The following SGCZ variants were observed in gnomAD, a reference collection of about 807,000 sequenced individuals.
The protein encoded by SGCZ is sarcoglycan zeta, also known as zeta-sarcoglycan.
In SGCZ, 40 loss-of-function variants were observed where a neutral mutation model predicts 41.3. That is an observed-to-expected ratio of 0.97 (90% CI 0.75 to 1.26). The LOEUF is 1.26. Among genes scored for constraint, SGCZ ranks in the 50% most tolerant of loss-of-function variants. The pLI is 0.00. For synonymous variants in SGCZ, 206 were observed against 137.5 expected (o/e 1.50, Z -3.49); for missense variants, 552 against 369.8 (o/e 1.49, Z -4.04).
chr8:14,179,332 G>A (rs1302064438), intron 4 of SGCZ, among the ~76,000 whole-genome samples: 3 of 152,144 alleles, frequency 2.0e-5, no homozygotes, highest in Admixed American at 1.3e-4. Context: ...CCTTAGGCTG[G>A]AAAGCATCCA....
At chr8:14,143,206 C>T (rs896790132) in intron 5 of SGCZ, among the ~76,000 whole-genome samples, 6 of 152,100 alleles carry the variant, frequency 3.9e-5, no homozygotes, top group Admixed American at 1.3e-4. Context: ...CTATAGCAAA[C>T]ATTGTACGTA....
At chr8:15,168,408 T>A (rs1488856650) in intron 1 of SGCZ, among the ~76,000 whole-genome samples, 7 of 152,138 alleles carry the variant, frequency 4.6e-5, no homozygotes, top group African/African-American at 1.7e-4. Flanking sequence ...GAAAGAGATA[T>A]AGGTGAGAGC....
At chr8:14,608,911 C>T (rs973685714) in intron 1 of SGCZ, among the ~76,000 whole-genome samples, 2 of 151,988 alleles carry the variant, frequency 1.3e-5, no homozygotes, top group Admixed American at 1.3e-4. Context: ...TAATAATAGG[C>T]TTCTTAGGAC....
At chr8:14,665,216 T>C (rs1445586896) in intron 1 of SGCZ, among the ~76,000 whole-genome samples, 1 of 151,898 alleles carries the variant, frequency 6.6e-6, no homozygotes, top group Non-Finnish European at 1.5e-5. Flanking sequence ...CCTGTGTCCA[T>C]GTGTTCTCAT....
intron 1 of SGCZ, among the ~76,000 whole-genome samples, chr8:14,676,591 G>A (rs895887235): frequency 1.3e-5 from 2 of 152,130 alleles, no homozygotes; most frequent in African/African-American, 4.8e-5. Flanking sequence ...ATTATTTAAA[G>A]AAATTCCCCA....
intron 3 of SGCZ, among the ~76,000 whole-genome samples, chr8:14,239,271 AC>A (rs1806885404): frequency 6.6e-6 from 1 of 151,780 alleles, no homozygotes; most frequent in Non-Finnish European, 1.5e-5. Flanking sequence ...ACACACACAC[AC>A]ACACACACAC....
At chr8:15,220,016 A>G (rs2117181630) in intron 1 of SGCZ, among the ~76,000 whole-genome samples, 1 of 152,344 alleles carries the variant, frequency 6.6e-6, no homozygotes, top group East Asian at 1.9e-4. Context: ...AATTGTTCTA[A>G]CAATGCCTTT....
In SGCZ at chr8:14,744,450, T is replaced by G. The variant is rs533695532; in HGVS notation, c.40-189524A>C. Among the ~76,000 whole-genome samples, 3 of 152,216 alleles carry G rather than the reference T, an allele frequency of 2.0e-5. 1 individual carries two copies. In the South Asian group the frequency reaches 6.2e-4, roughly 32 times the overall value. Reference sequence around the variant, plus strand: ...CTTGGTCTGCCTTGGTGGATGTCATTTGGAGAAATGCATCCATATCAAAAT... The same window carrying G: ...CTTGGTCTGCCTTGGTGGATGTCATGTGGAGAAATGCATCCATATCAAAAT... On this transcript the variant is annotated intron_variant, in intron 1 of 7. Transcript: ENST00000382080.
intron 2 of SGCZ, among the ~76,000 whole-genome samples, chr8:14,496,361 G>A (rs536987912): frequency 6.6e-6 from 1 of 152,074 alleles, no homozygotes; most frequent in African/African-American, 2.4e-5. Context: ...GAGTAAACAT[G>A]CCTGGCCTCC....
At chr8:14,479,737 T>C (rs1801473902) in intron 2 of SGCZ, among the ~76,000 whole-genome samples, 4 of 17,336 alleles carry the variant, frequency 2.3e-4, no homozygotes, top group East Asian at 1.6e-3. Context: ...ACTTCTTTTT[T>C]TTTTTTTTTT....
chr8:14,503,020 C>T (rs1002038150), intron 2 of SGCZ, among the ~76,000 whole-genome samples: 1 of 152,052 alleles, frequency 6.6e-6, no homozygotes, highest in Non-Finnish European at 1.5e-5. Flanking sequence ...GCACTATTCA[C>T]AATAGCAAAG....
At chr8:14,892,080 A>T (rs1367641466) in intron 1 of SGCZ, among the ~76,000 whole-genome samples, 2 of 152,216 alleles carry the variant, frequency 1.3e-5, no homozygotes, top group Non-Finnish European at 2.9e-5. Context: ...TATCTAAGAT[A>T]TGCTTATATT....
intron 2 of SGCZ, among the ~76,000 whole-genome samples, chr8:14,358,402 T>A (rs929429951): frequency 1.2e-4 from 18 of 152,192 alleles, no homozygotes; most frequent in African/African-American, 4.3e-4. Context: ...TTTTTCATTA[T>A]GTTGTCATCA....
chr8:15,044,407 G>C (rs1029735720), intron 1 of SGCZ, among the ~76,000 whole-genome samples: 4 of 152,088 alleles, frequency 2.6e-5, no homozygotes, highest in African/African-American at 4.8e-5. Context: ...CAGGCATCCT[G>C]TATGCAGTTT....
chr8:14,565,770 C>T (rs1424338592), intron 1 of SGCZ, among the ~76,000 whole-genome samples: 1 of 151,836 alleles, frequency 6.6e-6, no homozygotes, highest in Non-Finnish European at 1.5e-5. Context: ...TAACACCAAG[C>T]AGAACAAGGT....
intron 4 of SGCZ, among the ~76,000 whole-genome samples, chr8:14,198,655 TA>T (rs1283589851): frequency 2.0e-5 from 3 of 152,142 alleles, no homozygotes; most frequent in African/African-American, 7.2e-5. Flanking sequence ...ACCTAGTTGT[TA>T]TAAAATTGTG....
intron 1 of SGCZ, among the ~76,000 whole-genome samples, chr8:14,993,246 A>C (rs1802086868): frequency 6.6e-6 from 1 of 152,084 alleles, no homozygotes. Flanking sequence ...CTCTCCTACC[A>C]CAAGTCCGTT....
At chr8:14,184,110 A>G (rs1804823041) in intron 4 of SGCZ, among the ~76,000 whole-genome samples, 1 of 152,172 alleles carries the variant, frequency 6.6e-6, no homozygotes. Flanking sequence ...ATGTAAATTT[A>G]TTCCACGAGT....
intron 1 of SGCZ, among the ~76,000 whole-genome samples, chr8:14,715,042 T>G (rs1161890888): frequency 2.6e-5 from 4 of 152,170 alleles, no homozygotes; most frequent in Non-Finnish European, 5.9e-5. Context: ...GAGCAGGATT[T>G]ATTTTAAAAA....
Sources: allele counts gnomAD v4.1 joint callset (sites outside exome capture counted in the v4.1 genomes callset), GRCh38; gene constraint gnomAD v4.1.1; transcripts MANE v1.5; gene names NCBI Gene and HGNC (gene_info 2026-07-23, HGNC 2026-07-21).